The following PTK2 variants were observed in gnomAD, a reference collection of about 807,000 sequenced individuals.
PTK2 encodes the protein focal adhesion kinase 1.
Under a neutral mutation model 150.1 loss-of-function variants are expected in PTK2, and 45 were observed. The observed-to-expected ratio is 0.30, with a 90% CI of 0.24 to 0.38. The LOEUF (loss-of-function observed/expected upper bound fraction) is 0.38, where lower values mean the gene tolerates loss of function less well. PTK2 is among the 10% of genes least tolerant of loss of function. The pLI is 1.00. For synonymous variants in PTK2, 432 were observed against 449.2 expected, an observed-to-expected ratio of 0.96 and a Z score of 0.48; for missense variants, 919 against 1,307.3, an observed-to-expected ratio of 0.70 and a Z score of 4.58.
At chr8:140,908,190 G>A (rs1211845033) in intron 2 of PTK2, among the ~76,000 whole-genome samples, 1 of 152,146 alleles carries the variant, frequency 6.6e-6, no homozygotes, top group Non-Finnish European at 1.5e-5. Flanking sequence ...TTGGTGGTCT[G>A]GATAGATCAA....
At chr8:140,772,614 A>T (rs910966906) in intron 14 of PTK2, among the ~76,000 whole-genome samples, 4 of 152,248 alleles carry the variant, frequency 2.6e-5, no homozygotes, top group African/African-American at 9.6e-5. Flanking sequence ...CTCTGATCAC[A>T]TAAGATGATA....
At chr8:140,865,994 A>T (rs1399247171) in intron 4 of PTK2, among the ~76,000 whole-genome samples, 1 of 152,150 alleles carries the variant, frequency 6.6e-6, no homozygotes, top group Non-Finnish European at 1.5e-5. Context: ...CATGTTGCCC[A>T]GTCTGGTCTC....
Position 140,832,144 on chromosome 8 carries a change from C to T in PTK2, c.594-1618G>A, listed in dbSNP as rs564166750. On this transcript the variant is annotated intron_variant, in intron 7 of 31. Transcript: ENST00000522684. ...TCTCAGCTCACTGCACCCTCTGCCT[C>T]CCAGGCTTCGAGCGATTCTCGTGCC... Among the ~76,000 whole-genome samples, 349 of 152,312 alleles carry T rather than the reference C, an allele frequency of 2.3e-3. 1 individual carries two copies. Among genetic ancestry groups the T allele is most frequent in the Non-Finnish European group, 4.0e-3 (270 of 68,028 alleles).
chr8:140,847,770 T>C (rs1342548685), intron 5 of PTK2, among the ~76,000 whole-genome samples: 2 of 152,206 alleles, frequency 1.3e-5, no homozygotes, highest in Non-Finnish European at 2.9e-5. Context: ...AAAAAGTGTC[T>C]TGACTTCTAC....
intron 15 of PTK2, 50 bp from the exon 19 acceptor site, chr8:140,761,312 T>C (rs752175597): frequency 5.2e-6 from 7 of 1,345,222 alleles, no homozygotes; most frequent in Middle Eastern, 1.8e-4. Context: ...ATTCCAAATG[T>C]AGAAATAACA....
In PTK2 at chr8:140,846,697, GA is replaced by G. The variant is rs775774847; in HGVS notation, c.451-20del. The stretch of plus-strand genomic sequence containing the variant: ...TCTTCACCTACAACAAAAGGAATGG[GA>G]AAAACAACACTGTTTTAAAAGAAAA... On this transcript the variant is annotated intron_variant, in intron 5 of 31. Transcript: ENST00000522684. 16 of 1,564,520 alleles carry G rather than the reference GA, an allele frequency of 1.0e-5. No homozygotes were observed. In the South Asian group the frequency reaches 1.6e-4, roughly 16 times the overall value.
intron 16 of PTK2, among the ~76,000 whole-genome samples, chr8:140,758,443 C>T (rs1212318212): frequency 6.6e-6 from 1 of 152,110 alleles, no homozygotes. Flanking sequence ...TGTAAAACAG[C>T]CTCAAGCAGG....
chr8:140,774,844 A>G (rs1453202189), intron 14 of PTK2, among the ~76,000 whole-genome samples: 3 of 152,340 alleles, frequency 2.0e-5, no homozygotes, highest in East Asian at 3.9e-4. Flanking sequence ...AGGACAGTTT[A>G]CAAATGCCAT....
intron 31 of PTK2, among the ~76,000 whole-genome samples, chr8:140,661,226 A>G (rs548557867): frequency 2.0e-5 from 3 of 152,326 alleles, no homozygotes; most frequent in South Asian, 2.1e-4. Flanking sequence ...CAAAATCTAG[A>G]GAGATATTCT....
At chr8:140,710,957 T>G (rs935120744) in intron 23 of PTK2, among the ~76,000 whole-genome samples, 3 of 152,190 alleles carry the variant, frequency 2.0e-5, no homozygotes, top group Non-Finnish European at 4.4e-5. Context: ...TCTTTTGTTT[T>G]GAGACAGTCA....
At position 140,801,624 on chromosome 8, in the gene PTK2, T is replaced by C. The variant is rs568520993; in HGVS notation, c.976-1048A>G. ...CAATGACACAGCTTCTCTTGGCTTC[T>C]GCGTAAAGAACCACAGGTAGCATGT... On this transcript the variant is annotated intron_variant, in intron 11 of 31. Transcript: ENST00000522684. Among the ~76,000 whole-genome samples the C allele has an allele frequency of 5.3e-5, 8 of 152,326 alleles. No homozygotes were observed. The Middle Eastern group carries it at 0.014, about 259-fold the overall frequency.
At chr8:140,798,093 C>A (rs909489778) in intron 12 of PTK2, among the ~76,000 whole-genome samples, 1 of 152,064 alleles carries the variant, frequency 6.6e-6, no homozygotes, top group Non-Finnish European at 1.5e-5. Flanking sequence ...TACATGTATA[C>A]ATGTATAAGT....
exon 32 of PTK2, chr8:140,658,873 G>C (rs1260946873): frequency 1.3e-5 from 3 of 226,638 alleles, no homozygotes; most frequent in Non-Finnish European, 2.6e-5. Flanking sequence ...GAAAGTAAAA[G>C]GCAGGTAAGA....
intron 22 of PTK2, among the ~76,000 whole-genome samples, chr8:140,719,904 A>ATC (rs2100041889): frequency 1.7e-5 from 2 of 114,628 alleles, no homozygotes; most frequent in Non-Finnish European, 4.1e-5. Flanking sequence ...AAAAAAAAAA[A>ATC]AAAAAAAAAA....
At chr8:140,915,346 T>C (rs573044740) in intron 2 of PTK2, among the ~76,000 whole-genome samples, 40 of 151,980 alleles carry the variant, frequency 2.6e-4, no homozygotes, top group Non-Finnish European at 5.3e-4. Flanking sequence ...GAGGATTGCT[T>C]GAGCCTAGGA....
intron 1 of PTK2, among the ~76,000 whole-genome samples, chr8:140,987,865 A>G (rs1285994459): frequency 6.6e-6 from 1 of 152,148 alleles, no homozygotes; most frequent in African/African-American, 2.4e-5. Context: ...AAACATGACT[A>G]GACCTCGTCT....
chr8:140,725,526 C>A (rs1346053010), intron 22 of PTK2, among the ~76,000 whole-genome samples: 1 of 152,172 alleles, frequency 6.6e-6, no homozygotes, highest in Non-Finnish European at 1.5e-5. Flanking sequence ...AAGGCAGGCG[C>A]CAGTGTTACT....
chr8:140,749,797 A>G (rs939225723), intron 17 of PTK2, among the ~76,000 whole-genome samples: 6 of 152,226 alleles, frequency 3.9e-5, no homozygotes, highest in Admixed American at 3.3e-4. Flanking sequence ...TACATCTATC[A>G]CATTTCCCTG....
intron 1 of PTK2, among the ~76,000 whole-genome samples, chr8:140,947,314 A>G (rs977810467): frequency 6.6e-6 from 1 of 152,218 alleles, no homozygotes; most frequent in African/African-American, 2.4e-5. Context: ...CTATCCCCAC[A>G]TCATCATGCT....
Sources: gnomAD v4.1 joint callset for allele counts (sites outside exome capture counted in the v4.1 genomes callset) on GRCh38, gnomAD v4.1.1 for gene constraint, MANE v1.5 for transcripts, NCBI Gene and HGNC (gene_info 2026-07-23, HGNC 2026-07-21) for gene names.